KCNIP4: variants seen among roughly 807,000 people sequenced by gnomAD.
KCNIP4 encodes potassium voltage-gated channel interacting protein 4.
KCNIP4 carries 12 observed loss-of-function variants against 34.0 expected under a neutral mutation model. That is an observed-to-expected ratio of 0.35 (90% CI 0.23 to 0.57). KCNIP4 has a LOEUF of 0.57. KCNIP4 is among the 20% of genes least tolerant of loss of function. The pLI is 0.83. For missense variants in KCNIP4, 238 were observed against 311.7 expected, an observed-to-expected ratio of 0.76 and a Z score of 1.78; for synonymous variants, 124 against 102.2, an observed-to-expected ratio of 1.21 and a Z score of -1.29.
chr4:21,073,792 T>C (rs915682470), intron 1 of KCNIP4, among the ~76,000 whole-genome samples: 3 of 152,158 alleles, frequency 2.0e-5, no homozygotes, highest in Non-Finnish European at 4.4e-5. Flanking sequence ...AGAGTGCTTA[T>C]TATTTTGAGA....
At chr4:21,934,829 G>T (rs920934331) in intron 1 of KCNIP4, among the ~76,000 whole-genome samples, 1 of 152,052 alleles carries the variant, frequency 6.6e-6, no homozygotes, top group African/African-American at 2.4e-5. Context: ...TGGGCAAGTT[G>T]CTTAACCCCT....
chr4:21,374,127 A>C (rs1406749202), intron 1 of KCNIP4, among the ~76,000 whole-genome samples: 2 of 147,596 alleles, frequency 1.4e-5, no homozygotes, highest in Non-Finnish European at 2.9e-5. Context: ...ATCGATATTA[A>C]GAACACCTAG....
intron 1 of KCNIP4, among the ~76,000 whole-genome samples, chr4:21,375,812 C>T (rs1254752222): frequency 6.6e-6 from 1 of 151,988 alleles, no homozygotes; most frequent in Non-Finnish European, 1.5e-5. Context: ...CGTGATTGGC[C>T]CGCCTCAGCC....
At chr4:21,182,283 A>T (rs986426148) in intron 1 of KCNIP4, among the ~76,000 whole-genome samples, 6 of 152,084 alleles carry the variant, frequency 3.9e-5, no homozygotes, top group African/African-American at 1.4e-4. Flanking sequence ...CGATCATATC[A>T]TTTTCTTGCT....
At chr4:21,590,399 A>C (rs1742101949) in intron 1 of KCNIP4, among the ~76,000 whole-genome samples, 2 of 151,956 alleles carry the variant, frequency 1.3e-5, no homozygotes, top group Admixed American at 1.3e-4. Context: ...TTGTTTAAAG[A>C]GTATGAATAA....
chr4:21,800,217 T>C (rs929314716), intron 1 of KCNIP4, among the ~76,000 whole-genome samples: 2 of 152,186 alleles, frequency 1.3e-5, no homozygotes, highest in Non-Finnish European at 2.9e-5. Context: ...TGGTACTACA[T>C]TATTTCAAGA....
intron 1 of KCNIP4, among the ~76,000 whole-genome samples, chr4:21,133,505 T>C (rs1382168772): frequency 2.0e-5 from 3 of 152,196 alleles, no homozygotes; most frequent in African/African-American, 7.2e-5. Flanking sequence ...CATCTTGTGC[T>C]ACCTTTTCTT....
intron 1 of KCNIP4, among the ~76,000 whole-genome samples, chr4:20,942,817 G>A (rs142454293): frequency 0.016 from 2,479 of 151,974 alleles, 31 homozygotes; most frequent in Non-Finnish European, 0.022. Flanking sequence ...GATTACAGGC[G>A]CACACCACCA....
chr4:21,659,912 C>A (rs1748305303), intron 1 of KCNIP4, among the ~76,000 whole-genome samples: 1 of 152,136 alleles, frequency 6.6e-6, no homozygotes, highest in African/African-American at 2.4e-5. Flanking sequence ...GCTAAAAGCA[C>A]CAACAAGAGT....
chr4:21,697,635 A>G lies in KCNIP4; in HGVS notation c.61+250936T>C. 2.3e-6 allele frequency: 3 copies of G among 1,321,980 alleles called. No homozygotes were observed. The South Asian group carries it at 7.2e-5, about 32-fold the overall frequency. The allele number at this position is 1,321,980 out of a possible 1,614,324, so 81.9% of individuals were successfully genotyped here. A position where few individuals can be genotyped will look rare whatever the true frequency, so the allele number is the denominator to read the frequency against. On this transcript the variant is annotated intron_variant, in intron 1 of 8. Transcript: ENST00000382152. ...AATGCTAGAGAAGCCAGATACAGCT[A>G]CAACAGTAACAGGGAGGTGAGAAAA...
intron 1 of KCNIP4, among the ~76,000 whole-genome samples, chr4:21,689,798 A>T (rs1046141923): frequency 2.6e-5 from 4 of 152,032 alleles, no homozygotes; most frequent in Non-Finnish European, 5.9e-5. Flanking sequence ...CACCCTGGCC[A>T]CTGATTCAGT....
intron 1 of KCNIP4, among the ~76,000 whole-genome samples, chr4:21,673,330 T>A (rs547012580): frequency 1.3e-5 from 2 of 152,198 alleles, no homozygotes; most frequent in Admixed American, 6.5e-5. Flanking sequence ...ATTCTTTATA[T>A]CTTCTTGGTT....
intron 1 of KCNIP4, among the ~76,000 whole-genome samples, chr4:21,810,918 A>G (rs1170171082): frequency 6.6e-6 from 1 of 152,208 alleles, no homozygotes; most frequent in Non-Finnish European, 1.5e-5. Context: ...TGCTCATTGC[A>G]AAATGGGGAA....
intron 1 of KCNIP4, among the ~76,000 whole-genome samples, chr4:21,842,056 G>T (rs923644301): frequency 2.0e-5 from 3 of 152,108 alleles, no homozygotes; most frequent in African/African-American, 7.2e-5. Flanking sequence ...GGCAGAACCT[G>T]TAAGTGCTGA....
chr4:21,183,010 C>T (rs942637311), intron 1 of KCNIP4, among the ~76,000 whole-genome samples: 2 of 152,108 alleles, frequency 1.3e-5, no homozygotes, highest in African/African-American at 2.4e-5. Flanking sequence ...TAACCCACCA[C>T]CACTCCCAGC....
intron 1 of KCNIP4, among the ~76,000 whole-genome samples, chr4:21,920,063 T>A (rs1728852098): frequency 6.6e-6 from 1 of 152,188 alleles, no homozygotes; most frequent in South Asian, 2.1e-4. Context: ...AATCCTGACT[T>A]ATTTAAAGAC....
chr4:21,817,228 C>A (rs1207714058), intron 1 of KCNIP4, among the ~76,000 whole-genome samples: 1 of 152,142 alleles, frequency 6.6e-6, no homozygotes, highest in Non-Finnish European at 1.5e-5. Context: ...GGCAGAGGAA[C>A]ATAAGTTTTG....
intron 1 of KCNIP4, among the ~76,000 whole-genome samples, chr4:21,696,678 C>T (rs1712351983): frequency 6.6e-6 from 1 of 152,092 alleles, no homozygotes; most frequent in African/African-American, 2.4e-5. Flanking sequence ...GATTTAGCCT[C>T]ATAATTTTGG....
At chr4:21,346,961 A>G (rs1159945972) in intron 1 of KCNIP4, among the ~76,000 whole-genome samples, 2 of 152,298 alleles carry the variant, frequency 1.3e-5, no homozygotes, top group South Asian at 4.1e-4. Flanking sequence ...TAAACCTAAC[A>G]TCATTTTAAT....
Sources: allele counts gnomAD v4.1 joint callset (sites outside exome capture counted in the v4.1 genomes callset), GRCh38; gene constraint gnomAD v4.1.1; transcripts MANE v1.5; gene names NCBI Gene and HGNC (gene_info 2026-07-23, HGNC 2026-07-21).